VPS37A: variants seen among roughly 807,000 people sequenced by gnomAD.
The protein encoded by VPS37A is vacuolar protein sorting-associated protein 37A.
A neutral mutation model predicts 49.8 loss-of-function variants in VPS37A; 30 were observed. The ratio of observed to expected loss-of-function variants is 0.60; its 90% CI spans 0.45 to 0.82. The LOEUF (loss-of-function observed/expected upper bound fraction) is 0.82, where lower values mean the gene tolerates loss of function less well. VPS37A is among the 40% of genes least tolerant of loss of function. The pLI is 0.00. For synonymous variants in VPS37A, 195 were observed against 160.6 expected, an observed-to-expected ratio of 1.21 and a Z score of -1.62; for missense variants, 593 against 464.4, an observed-to-expected ratio of 1.28 and a Z score of -2.55.
chr8:17,285,051 A>G (rs192466107), intron 10 of VPS37A, among the ~76,000 whole-genome samples: 6 of 151,276 alleles, frequency 4.0e-5, no homozygotes, highest in Non-Finnish European at 4.4e-5. Context: ...GATCTGGAAA[A>G]AAAAAAATTT....
intron 2 of VPS37A, among the ~76,000 whole-genome samples, chr8:17,267,143 T>C (rs950041718): frequency 2.4e-4 from 37 of 152,286 alleles, no homozygotes; most frequent in African/African-American, 7.7e-4. Flanking sequence ...AGATACAAAC[T>C]GGGCTCCAAA....
chr8:17,274,863 A>G lies in VPS37A; in HGVS notation c.547A>G (p.Thr183Ala), dbSNP rs1563266873. The G allele has an allele frequency of 1.2e-6, 2 of 1,614,084 alleles. No homozygotes were observed. Among genetic ancestry groups the G allele is most frequent in the Non-Finnish European group, 1.7e-6 (2 of 1,179,976 alleles). Residue 183 changes from threonine to alanine, a missense_variant, in exon 5 of 12, where the codon ACA becomes GCA. Transcript: ENST00000324849. ...TGTTGCTGACACTGTTTCTTCTTCAACAACAAGTCATACCACAGCCAAGCC... is the reference window on the plus strand; with the variant it reads ...TGTTGCTGACACTGTTTCTTCTTCAGCAACAAGTCATACCACAGCCAAGCC... Reference protein sequence around the residue: ...LSVADTVSSSTTSHTTAKPAA... With the variant: ...LSVADTVSSSATSHTTAKPAA...
chr8:17,258,812 T>C lies in VPS37A; in HGVS notation c.126-7095T>C, dbSNP rs551514171. Among the ~76,000 whole-genome samples the C allele has an allele frequency of 2.0e-5, 3 of 152,200 alleles. No individual in the cohort carries two copies. In the East Asian group the frequency reaches 5.8e-4, roughly 29 times the overall value. ...TCATTATTATTGGCTTATTGAAGTT[T>C]TCTATTTTATCATGGTTTAATCTTA... On this transcript the variant is annotated intron_variant, in intron 1 of 11. Coordinates refer to ENST00000324849, the MANE Select transcript of VPS37A (RefSeq NM_152415.3).
chr8:17,280,273 CA>C lies in VPS37A; in HGVS notation c.880del (p.Arg294AspfsTer5), dbSNP rs1367411806. On this transcript the variant is annotated frameshift_variant, in exon 8 of 12. Transcript: ENST00000324849. LOFTEE classifies it high-confidence loss of function. ...NLLLEPSLEAKRQTVLDKYEL... is the reference protein window; with the variant it reads ...NLLLEPSLEAXRQTVLDKYEL... The stretch of plus-strand genomic sequence containing the variant: ...TCCTTTTGGAGCCCAGCTTGGAAGC[CA>C]AAAGACAAACTGTTTTAGATAAGGT... 1 of 1,612,546 alleles carries C rather than the reference CA, an allele frequency of 6.2e-7. No homozygotes were observed. The highest frequency in any genetic ancestry group is 8.5e-7 in the Non-Finnish European group (1 of 1,179,254).
intron 1 of VPS37A, among the ~76,000 whole-genome samples, chr8:17,259,190 C>CT (rs1378813479): frequency 6.6e-6 from 1 of 151,968 alleles, no homozygotes; most frequent in African/African-American, 2.4e-5. Flanking sequence ...AGTCTTTTTA[C>CT]TTTTTTGATA....
At chr8:17,275,863 AT>A (rs1814464344) in intron 5 of VPS37A, among the ~76,000 whole-genome samples, 1 of 152,156 alleles carries the variant, frequency 6.6e-6, no homozygotes, top group South Asian at 2.1e-4. Flanking sequence ...AAAACCTTTC[AT>A]TTATTGTGTT....
chr8:17,312,123 C>T, the VPS37A span, among the ~76,000 whole-genome samples: 1 of 152,134 alleles, frequency 6.6e-6, no homozygotes, highest in Non-Finnish European at 1.5e-5. Context: ...AAAATGACAC[C>T]AGAAAATCTC....
chr8:17,266,088 C>T, intron 2 of VPS37A, 107 bp downstream of exon 2: 1 of 942,206 alleles, frequency 1.1e-6, no homozygotes, highest in Non-Finnish European at 1.6e-6. Flanking sequence ...TTTCAAGTAA[C>T]TATAATTTAT....
chr8:17,318,607 C>T, the VPS37A span, among the ~76,000 whole-genome samples: 2 of 152,118 alleles, frequency 1.3e-5, no homozygotes, highest in Admixed American at 6.5e-5. Context: ...GGGGTCCTAC[C>T]GCATCATGTC....
downstream of VPS37A, among the ~76,000 whole-genome samples, chr8:17,304,168 C>T (rs1817303785): frequency 6.6e-6 from 1 of 152,140 alleles, no homozygotes; most frequent in South Asian, 2.1e-4. Context: ...ACATCACCTC[C>T]TGAAGAAAAT....
chr8:17,313,119 A>T, the VPS37A span, among the ~76,000 whole-genome samples: 44 of 152,336 alleles, frequency 2.9e-4, no homozygotes, highest in African/African-American at 1.0e-3. Flanking sequence ...TAAGCATTGT[A>T]TTCTTTCGCA....
At chr8:17,305,693 T>C, downstream of VPS37A, 4 of 1,436,178 alleles carry the variant, frequency 2.8e-6, no homozygotes, top group South Asian at 3.7e-5. Flanking sequence ...AAAGGCCACC[T>C]AAAATTCTCA....
downstream of VPS37A, chr8:17,299,824 C>CT (rs1343626926): frequency 6.2e-7 from 1 of 1,604,870 alleles, no homozygotes; most frequent in African/African-American, 1.3e-5. Flanking sequence ...GGAAGTGTTG[C>CT]TTATGTGTCC....
At chr8:17,284,432 G>T in intron 9 of VPS37A, 41 bp from the exon 10 acceptor site, 1 of 1,540,072 alleles carries the variant, frequency 6.5e-7, no homozygotes, top group South Asian at 1.3e-5. Context: ...GAGTTCTTGT[G>T]AGTATCATAA....
intron 1 of VPS37A, among the ~76,000 whole-genome samples, chr8:17,260,176 T>C (rs28878187): frequency 0.028 from 4,289 of 152,256 alleles, 234 homozygotes; most frequent in African/African-American, 0.098. Flanking sequence ...TGACTTTCTT[T>C]GGTAGTATGT....
At chr8:17,294,220 G>T (rs572836074) in intron 11 of VPS37A, among the ~76,000 whole-genome samples, 83 of 152,338 alleles carry the variant, frequency 5.4e-4, no homozygotes, top group Admixed American at 3.3e-3. Context: ...GCTTTGCCCA[G>T]TCCAAACTTC....
chr8:17,332,825 T>C, the VPS37A span, among the ~76,000 whole-genome samples: 17,814 of 152,060 alleles, frequency 0.12, 1,660 homozygotes, highest in South Asian at 0.44. Flanking sequence ...CTTATAGATA[T>C]GTATTTAAGT....
intron 8 of VPS37A, 30 bp from the exon 9 acceptor site, chr8:17,280,345 A>G: frequency 6.2e-7 from 1 of 1,602,480 alleles, no homozygotes. Flanking sequence ...TAAAAATAGA[A>G]TAAAACAACC....
At chr8:17,300,230 A>G, downstream of VPS37A, 1 of 1,595,524 alleles carries the variant, frequency 6.3e-7, no homozygotes, top group Non-Finnish European at 8.5e-7. Flanking sequence ...AGCCTCTAAG[A>G]AAGAAATAAC....
Sources: gnomAD v4.1 joint callset for allele counts (sites outside exome capture counted in the v4.1 genomes callset) on GRCh38, gnomAD v4.1.1 for gene constraint, MANE v1.5 for transcripts, NCBI Gene and HGNC (gene_info 2026-07-23, HGNC 2026-07-21) for gene names.